Variants in CACNA1C observed in about 807,000 individuals in gnomAD.
The protein encoded by CACNA1C is calcium voltage-gated channel subunit alpha1 C, also known as voltage-dependent L-type calcium channel subunit alpha-1C.
In CACNA1C, 30 loss-of-function variants were observed where a neutral mutation model predicts 229.0. The ratio of observed to expected loss-of-function variants is 0.13; its 90% confidence interval spans 0.10 to 0.18. The LOEUF (loss-of-function observed/expected upper bound fraction) is 0.18, where lower values mean the gene tolerates loss of function less well. CACNA1C is among the 10% of genes least tolerant of loss of function. The probability of loss-of-function intolerance (pLI) is 1.00; values close to 1 mark genes in which losing one functional copy is unlikely to be tolerated. For missense variants in CACNA1C, 1,658 were observed against 2,845.0 expected (o/e 0.58, Z 9.49); for synonymous variants, 1,114 against 1,132.5 (o/e 0.98, Z 0.33).
chr12:2,373,481 A>G (rs2097924978), intron 3 of CACNA1C, among the ~76,000 whole-genome samples: 1 of 152,116 alleles, frequency 6.6e-6, no homozygotes, highest in African/African-American at 2.4e-5. Flanking sequence ...GACTGCCCTG[A>G]GGAGCCTGCC....
intron 3 of CACNA1C, among the ~76,000 whole-genome samples, chr12:2,177,587 C>CCCTT (rs1555274712): frequency 0.13 from 9,940 of 77,708 alleles, 723 homozygotes; most frequent in Non-Finnish European, 0.15. Context: ...CTCCCTCCCT[C>CCCTT]CCTTCCTTCC....
intron 43 of CACNA1C, 103 bp from the exon 44 acceptor site, chr12:2,685,633 T>A: frequency 1.2e-6 from 1 of 825,812 alleles, no homozygotes; most frequent in Non-Finnish European, 2.1e-6. Context: ...TGTGCGTCCC[T>A]TCACTAAGGA....
rs536529826 is a variant in CACNA1C, at chr12:2,616,589, C to T, written c.3828+4576C>T. Among the ~76,000 whole-genome samples the T allele has an allele frequency of 4.0e-3, 604 of 152,376 alleles. 3 individuals carry two copies. The highest frequency in any genetic ancestry group is 0.014 in the African/African-American group (579 of 41,588). Reference sequence around the variant, plus strand: ...AGCGCAGGTGAGGTCTGGAGTTAGTCGCTGCTGCGAGCCCCCATAGGGCGT... The same window carrying T: ...AGCGCAGGTGAGGTCTGGAGTTAGTTGCTGCTGCGAGCCCCCATAGGGCGT... On this transcript the variant is annotated intron_variant, in intron 29 of 46. Transcript: ENST00000399655.
intron 3 of CACNA1C, among the ~76,000 whole-genome samples, chr12:2,257,058 C>G (rs1212150704): frequency 6.6e-6 from 1 of 152,144 alleles, no homozygotes; most frequent in African/African-American, 2.4e-5. Context: ...TTGTAGGGGA[C>G]CAGGGCTTTG....
chr12:2,369,964 A>T (rs1020586829), intron 3 of CACNA1C, among the ~76,000 whole-genome samples: 2 of 152,224 alleles, frequency 1.3e-5, no homozygotes, highest in African/African-American at 4.8e-5. Flanking sequence ...GAAAATGTTT[A>T]TTAAAGTGGT....
Position 2,615,602 on chromosome 12 carries a change from G to A in CACNA1C, c.3828+3589G>A, listed in dbSNP as rs901856408. Among the ~76,000 whole-genome samples, 7 of 144,648 alleles carry A rather than the reference G, an allele frequency of 4.8e-5. No individual in the cohort carries two copies. In the South Asian group the frequency reaches 1.3e-3, roughly 28 times the overall value. 94.9% of individuals were successfully genotyped at this position (144,648 alleles called of 152,430 possible). A position where few individuals can be genotyped will look rare whatever the true frequency, so the allele number is the denominator to read the frequency against. The stretch of plus-strand genomic sequence containing the variant: ...AGGATGGCAGGAGAGGGAGCCACAC[G>A]TAAATCCTTTACGGCCAACAGGATG... On this transcript the variant is annotated intron_variant, in intron 29 of 46. Transcript: ENST00000399655.
intron 3 of CACNA1C, among the ~76,000 whole-genome samples, chr12:2,238,089 C>T (rs568894112): frequency 3.9e-5 from 6 of 152,310 alleles, no homozygotes; most frequent in African/African-American, 1.4e-4. Flanking sequence ...TTTGTTCTAG[C>T]CTTCGTCGTC....
At chr12:2,028,647 G>A (rs1357147626) in intron 1 of CACNA1C, among the ~76,000 whole-genome samples, 1 of 152,140 alleles carries the variant, frequency 6.6e-6, no homozygotes, top group African/African-American at 2.4e-5. Context: ...GGTTAAGCAC[G>A]TAGACTCTGG....
chr12:2,622,996 G>A (rs752901524), intron 29 of CACNA1C, among the ~76,000 whole-genome samples: 1 of 152,176 alleles, frequency 6.6e-6, no homozygotes, highest in Non-Finnish European at 1.5e-5. Flanking sequence ...TGAGGAAGAC[G>A]TTTTCATCTC....
chr12:1,991,174 G>A, intron 1 of CACNA1C: 1 of 456,172 alleles, frequency 2.2e-6, no homozygotes, highest in East Asian at 6.9e-5. Context: ...TGTGGAAAAA[G>A]CAACGGAAGT....
chr12:2,089,845 C>T lies in CACNA1C; in HGVS notation c.50-25379C>T, dbSNP rs374731530. On this transcript the variant is annotated intron_variant, in intron 1 of 46. Coordinates refer to ENST00000399655, the MANE Select transcript of CACNA1C (RefSeq NM_000719.7). The stretch of plus-strand genomic sequence containing the variant: ...GTCGGGAGATCGAGACCAGCCTGGC[C>T]AACATAGTGAAACCCCTACTAAAAA... Among the ~76,000 whole-genome samples the T allele has an allele frequency of 3.6e-4, 53 of 148,960 alleles. 1 individual carries two copies. The highest frequency in any genetic ancestry group is 1.8e-3 in the East Asian group (9 of 5,102).
intron 3 of CACNA1C, among the ~76,000 whole-genome samples, chr12:2,254,864 C>G (rs1245667398): frequency 6.6e-6 from 1 of 152,190 alleles, no homozygotes; most frequent in Admixed American, 6.5e-5. Context: ...TTTCATATCC[C>G]CCCGTCCTCT....
intron 1 of CACNA1C, among the ~76,000 whole-genome samples, chr12:2,040,231 A>G (rs900115244): frequency 2.0e-5 from 3 of 152,080 alleles, no homozygotes; most frequent in African/African-American, 7.2e-5. Flanking sequence ...GATGGCTTAA[A>G]TGAGGTCTTT....
rs2072762196 is a variant in CACNA1C, at chr12:2,602,205, G to T, written c.2960+245G>T. ...ATCTGGGTTTTGCCATGACAGGCAG[G>T]GCCAGGCTCAGCTATTAAGAAACGG... On this transcript the variant is annotated intron_variant, in intron 22 of 46. Coordinates refer to ENST00000399655, the MANE Select transcript of CACNA1C (RefSeq NM_000719.7). The surrounding 1 kb of genome is among the most constrained non-coding windows in gnomAD (Gnocchi z 4.4). Among the ~76,000 whole-genome samples, 1 of 152,144 alleles carries T rather than the reference G, an allele frequency of 6.6e-6. No individual in the cohort carries two copies. Among genetic ancestry groups the T allele is most frequent in the Non-Finnish European group, 1.5e-5 (1 of 68,008 alleles).
intron 18 of CACNA1C, among the ~76,000 whole-genome samples, chr12:2,589,614 G>GGGGTACATTTTGCAGGT (rs1265766889): frequency 6.6e-6 from 1 of 152,108 alleles, no homozygotes; most frequent in Non-Finnish European, 1.5e-5. Flanking sequence ...GGCTGGGTCT[G>GGGGTACATTTTGCAGGT]ATCCAGTGCC....
chr12:2,446,688 A>AATGGGTGGATAGATGGATTGATGGGTGG (rs1160727328), intron 3 of CACNA1C, among the ~76,000 whole-genome samples: 1 of 130,924 alleles, frequency 7.6e-6, no homozygotes, highest in Non-Finnish European at 1.6e-5. Flanking sequence ...TGGATGGGTG[A>AATGGGTGGATAGATGGATTGATGGGTGG]ATGGGTGGAT....
chr12:2,499,075 A>G (rs940332979), intron 7 of CACNA1C, among the ~76,000 whole-genome samples: 1 of 152,276 alleles, frequency 6.6e-6, no homozygotes. Flanking sequence ...TCAGCACTCA[A>G]TAAGCAGGTG....
chr12:2,029,008 G>T lies in CACNA1C; in HGVS notation c.139+57807G>T, dbSNP rs1037681197. Among the ~76,000 whole-genome samples the T allele has an allele frequency of 6.6e-6, 1 of 152,188 alleles. No individual in the cohort carries two copies. Among genetic ancestry groups the T allele is most frequent in the Non-Finnish European group, 1.5e-5 (1 of 68,042 alleles). ...CATGGATGTGTGTTCTCTCATGTCT[G>T]TTAAAACCGTTCTCCCAGAGGTAGG... is the stretch of plus-strand genomic sequence containing the variant. On this transcript the variant is annotated intron_variant, in intron 1 of 46. Coordinates refer to the CACNA1C transcript ENST00000682462. This position sits in a 1 kb window ranked among gnomAD's most constrained non-coding sequence, Gnocchi z 4.9.
At chr12:2,417,029 C>A (rs2098916963) in intron 3 of CACNA1C, among the ~76,000 whole-genome samples, 1 of 152,230 alleles carries the variant, frequency 6.6e-6, no homozygotes, top group Non-Finnish European at 1.5e-5. Context: ...TCCGTACACA[C>A]CTCTCTTAAA....
Sources: allele counts gnomAD v4.1 joint callset (sites outside exome capture counted in the v4.1 genomes callset), GRCh38; gene constraint gnomAD v4.1.1; non-coding constraint Gnocchi (gnomAD v3.1); transcripts MANE v1.5; gene names NCBI Gene and HGNC (gene_info 2026-07-23, HGNC 2026-07-21).